PRRX2: variants seen among roughly 807,000 people sequenced by gnomAD.
The protein encoded by PRRX2 is paired mesoderm homeobox protein 2.
A neutral mutation model predicts 18.0 loss-of-function variants in PRRX2; 11 were observed. The ratio of observed to expected loss-of-function variants is 0.61; its 90% confidence interval spans 0.39 to 1.01. PRRX2 has a LOEUF of 1.01. PRRX2 is among the 50% of genes least tolerant of loss of function. The pLI, the probability that PRRX2 is intolerant of heterozygous loss-of-function variation, is 0.01. For missense variants in PRRX2, 387 were observed against 351.0 expected, an observed-to-expected ratio of 1.10 and a Z score of -0.82; for synonymous variants, 177 against 154.8, an observed-to-expected ratio of 1.14 and a Z score of -1.06.
chr9:129,667,757 C>T (rs537418513), intron 1 of PRRX2, among the ~76,000 whole-genome samples: 8 of 152,258 alleles, frequency 5.3e-5, no homozygotes, highest in East Asian at 3.9e-4. Flanking sequence ...TCTCTGGTGG[C>T]GGGTTTCCCC....
chr9:129,719,212 G>A lies in PRRX2; in HGVS notation c.260-19G>A, dbSNP rs1564156505. Reference sequence around the variant, plus strand: ...CACTGGCCGTCCTGCTGACCATCCCGCCCCCCCAACCTCCGCAGGTGAGTG... The same window carrying A: ...CACTGGCCGTCCTGCTGACCATCCCACCCCCCCAACCTCCGCAGGTGAGTG... On this transcript the variant is annotated intron_variant, in intron 1 of 3. Transcript: ENST00000372469. 1 of 1,541,906 alleles carries A rather than the reference G, an allele frequency of 6.5e-7. No individual in the cohort carries two copies. Among genetic ancestry groups the A allele is most frequent in the Admixed American group, 1.9e-5 (1 of 51,778 alleles).
At chr9:129,691,854 AT>A (rs942367564) in intron 1 of PRRX2, among the ~76,000 whole-genome samples, 9 of 150,470 alleles carry the variant, frequency 6.0e-5, no homozygotes, top group African/African-American at 2.2e-4. Flanking sequence ...AATTAAAAAA[AT>A]TTTTTTTGTA....
At chr9:129,693,574 GGCGACAAGAGCGAAA>G (rs1180957881) in intron 1 of PRRX2, among the ~76,000 whole-genome samples, 1 of 150,100 alleles carries the variant, frequency 6.7e-6, no homozygotes, top group Non-Finnish European at 1.5e-5. Flanking sequence ...ATCCAGCCTG[GGCGACAAGAGCGAAA>G]CTCTGTCTCA....
rs944759598 is a variant in PRRX2, at chr9:129,675,855, G to T, written c.259+9729G>T. Among the ~76,000 whole-genome samples, 1 of 152,176 alleles carries T rather than the reference G, an allele frequency of 6.6e-6. No homozygotes were observed. The highest frequency in any genetic ancestry group is 1.5e-5 in the Non-Finnish European group (1 of 68,024). On this transcript the variant is annotated intron_variant, in intron 1 of 3. Coordinates refer to ENST00000372469, the MANE Select transcript of PRRX2 (RefSeq NM_016307.4). This position sits in a 1 kb window ranked among gnomAD's most constrained non-coding sequence, Gnocchi z 4.4. ...CGCCAGAGCTCTGCGCGGGCCTCCCGTATAAAACCCCGCAGAACGCCGAGG... is the reference window on the plus strand; with the variant it reads ...CGCCAGAGCTCTGCGCGGGCCTCCCTTATAAAACCCCGCAGAACGCCGAGG...
intron 1 of PRRX2, among the ~76,000 whole-genome samples, chr9:129,674,995 G>A (rs972788913): frequency 3.3e-5 from 5 of 152,218 alleles, no homozygotes; most frequent in African/African-American, 9.6e-5. Flanking sequence ...AGCGATTCTT[G>A]TACCCTGCTG....
At position 129,714,157 on chromosome 9, in the gene PRRX2, T is replaced by A. The variant is rs192123627; in HGVS notation, c.260-5074T>A. On this transcript the variant is annotated intron_variant, in intron 1 of 3. Transcript: ENST00000372469. ...ATCTCTACTAAAAATACAAAAAAAA[T>A]TAGCCAGGCATGTGGCGGACGCCTG... 0.027 allele frequency among the ~76,000 whole-genome samples: 4,085 copies of A among 149,946 alleles called. 297 individuals are homozygous for A. In the East Asian group the frequency reaches 0.29, roughly 11 times the overall value.
chr9:129,712,084 T>C (rs899412471), intron 1 of PRRX2, among the ~76,000 whole-genome samples: 5 of 152,148 alleles, frequency 3.3e-5, no homozygotes, highest in African/African-American at 9.7e-5. Context: ...GCTGTAAATA[T>C]TTCTCCAGCT....
At chr9:129,673,092 C>T (rs1302572393) in intron 1 of PRRX2, among the ~76,000 whole-genome samples, 1 of 152,216 alleles carries the variant, frequency 6.6e-6, no homozygotes, top group Admixed American at 6.5e-5. Flanking sequence ...CATTTACTCA[C>T]AGCCCTATGT....
At chr9:129,666,514 GCC>G (rs1832025035) in intron 1 of PRRX2, among the ~76,000 whole-genome samples, 1 of 151,762 alleles carries the variant, frequency 6.6e-6, no homozygotes, top group South Asian at 2.1e-4. Flanking sequence ...AGCTAGCGCC[GCC>G]CCAGCTCCTC....
chr9:129,722,543 C>T lies in PRRX2; in HGVS notation c.*191C>T, dbSNP rs1371121995. 11 of 517,736 alleles carry T rather than the reference C, an allele frequency of 2.1e-5. No individual in the cohort carries two copies. Among genetic ancestry groups the T allele is most frequent in the Non-Finnish European group, 3.3e-5 (11 of 336,598 alleles). The allele number at this position is 517,736 out of a possible 1,614,324, so 32.1% of individuals were successfully genotyped here. A position where few individuals can be genotyped will look rare whatever the true frequency, so the allele number is the denominator to read the frequency against. On this transcript the variant is annotated 3_prime_UTR_variant, in exon 4 of 4. Transcript: ENST00000372469. ...CTCTTCTGTCCTTGGCCACCAGAGA[C>T]TGCAGCCCACAACCCTTGGAGGGGT...
rs989315011 is a variant in PRRX2 at position 129,715,143 on chromosome 9, C to T, written c.260-4088C>T. Among the ~76,000 whole-genome samples, 1 of 152,170 alleles carries T rather than the reference C, an allele frequency of 6.6e-6. No homozygotes were observed. The highest frequency in any genetic ancestry group is 2.4e-5 in the African/African-American group (1 of 41,426). ...TCCCTCCCCACTGCCCCCACAGCCC[C>T]CGCCTGGTCCCGTATGTTTGCAAGT... On this transcript the variant is annotated intron_variant, in intron 1 of 3. Coordinates refer to ENST00000372469, the MANE Select transcript of PRRX2 (RefSeq NM_016307.4). This position sits in a 1 kb window ranked among gnomAD's most constrained non-coding sequence, Gnocchi z 4.0.
At chr9:129,669,750 G>A (rs1377873952) in intron 1 of PRRX2, among the ~76,000 whole-genome samples, 1 of 152,110 alleles carries the variant, frequency 6.6e-6, no homozygotes, top group Non-Finnish European at 1.5e-5. Flanking sequence ...TTTGTGGTGG[G>A]GGTCCCCAGG....
chr9:129,684,487 C>G (rs1195385703), intron 1 of PRRX2, among the ~76,000 whole-genome samples: 1 of 62,632 alleles, frequency 1.6e-5, no homozygotes, highest in Non-Finnish European at 3.5e-5. Flanking sequence ...AGAAATCACA[C>G]ACACACACAC....
chr9:129,692,341 ACCCCCACCAT>A (rs938870021), intron 1 of PRRX2, among the ~76,000 whole-genome samples: 1 of 103,812 alleles, frequency 9.6e-6, no homozygotes, highest in African/African-American at 3.7e-5. Flanking sequence ...CCCCACCTCC[ACCCCCACCAT>A]CCCCCACCAG....
chr9:129,718,062 GC>G (rs1039192089), intron 1 of PRRX2, among the ~76,000 whole-genome samples: 3 of 151,554 alleles, frequency 2.0e-5, no homozygotes, highest in Admixed American at 2.0e-4. Flanking sequence ...GTAGCTGGAC[GC>G]CCCCCCACCC....
rs139699879 is a variant in PRRX2, at chr9:129,682,928, A to ACC, written c.259+16809_259+16810dup. The stretch of plus-strand genomic sequence containing the variant: ...GAAACCAGCCTGACCAACATGGTGA[A>ACC]CCCCCCCCATCTCTACTAAAAATAC... On this transcript the variant is annotated intron_variant, in intron 1 of 3. Transcript: ENST00000372469. Among the ~76,000 whole-genome samples the ACC allele has an allele frequency of 3.7e-3, 560 of 151,288 alleles. 5 individuals carry two copies. Among genetic ancestry groups the ACC allele is most frequent in the South Asian group, 0.021 (102 of 4,758 alleles).
chr9:129,720,483 G>A, intron 2 of PRRX2, 113 bp from the exon 3 acceptor site: 1 of 1,021,438 alleles, frequency 9.8e-7, no homozygotes, highest in Non-Finnish European at 1.4e-6. Flanking sequence ...CTGAGGGTCA[G>A]AGAGGTGACG....
At chr9:129,691,519 C>T (rs77875460) in intron 1 of PRRX2, among the ~76,000 whole-genome samples, 6,717 of 152,004 alleles carry the variant, frequency 0.044, 426 homozygotes, top group East Asian at 0.35. Context: ...CACCTCTTCT[C>T]GATTTCGTCT....
chr9:129,704,484 GC>G (rs1832535395), intron 1 of PRRX2, among the ~76,000 whole-genome samples: 1 of 152,078 alleles, frequency 6.6e-6, no homozygotes, highest in Non-Finnish European at 1.5e-5. Flanking sequence ...GCTGCTGGTA[GC>G]CCCCCTAACC....
Sources: gnomAD v4.1 joint callset for allele counts (sites outside exome capture counted in the v4.1 genomes callset) on GRCh38, gnomAD v4.1.1 for gene constraint, Gnocchi (gnomAD v3.1) non-coding constraint, MANE v1.5 for transcripts, NCBI Gene and HGNC (gene_info 2026-07-23, HGNC 2026-07-21) for gene names.